The following LEKR1 variants were observed in gnomAD, a reference collection of about 807,000 sequenced individuals.
The protein encoded by LEKR1 is leucine, glutamate and lysine rich 1, also known as protein LEKR1.
A neutral mutation model predicts 72.4 loss-of-function variants in LEKR1; 59 were observed. The ratio of observed to expected loss-of-function variants is 0.82; its 90% confidence interval spans 0.66 to 1.01. The LOEUF (loss-of-function observed/expected upper bound fraction) is 1.01. Among genes scored for constraint, LEKR1 ranks in the 50% least tolerant of loss-of-function variants. The pLI, the probability that LEKR1 is intolerant of heterozygous loss-of-function variation, is 0.00. For missense variants in LEKR1, 728 were observed against 759.2 expected, an observed-to-expected ratio of 0.96 and a Z score of 0.48; for synonymous variants, 257 against 263.2, an observed-to-expected ratio of 0.98 and a Z score of 0.23.
At chr3:156,893,520 G>A (rs1720866768) in intron 3 of LEKR1, among the ~76,000 whole-genome samples, 1 of 152,102 alleles carries the variant, frequency 6.6e-6, no homozygotes, top group Non-Finnish European at 1.5e-5. Flanking sequence ...GGTCATGGGG[G>A]TAGATCCCTC....
intron 3 of LEKR1, among the ~76,000 whole-genome samples, chr3:156,913,516 T>C (rs1031151205): frequency 6.6e-6 from 1 of 152,212 alleles, no homozygotes; most frequent in African/African-American, 2.4e-5. Context: ...CCACCTGACC[T>C]GCTCAAAACA....
intron 7 of LEKR1, among the ~76,000 whole-genome samples, chr3:156,989,689 A>T (rs889223699): frequency 5.1e-4 from 77 of 152,192 alleles, no homozygotes; most frequent in Non-Finnish European, 1.3e-4. Flanking sequence ...AGTTGTAAAA[A>T]TAATAATAGT....
intron 6 of LEKR1, among the ~76,000 whole-genome samples, chr3:156,952,493 T>G (rs1727251023): frequency 6.6e-6 from 1 of 151,444 alleles, no homozygotes; most frequent in South Asian, 2.1e-4. Flanking sequence ...TTTCAAATAT[T>G]TATAAGATCA....
Position 157,045,949 on chromosome 3 carries a change from A to G in LEKR1, c.*199A>G, listed in dbSNP as rs1735725752. ...TTTTTCAAGAGGGTTTTGATAGAGT[A>G]ACAGATCATTAAGTTGTTGGTATTC... On this transcript the variant is annotated 3_prime_UTR_variant, in exon 13 of 13. Transcript: ENST00000356539. The G allele has an allele frequency of 5.4e-6, 3 of 553,280 alleles. No homozygotes were observed. In the East Asian group the frequency reaches 8.7e-5, roughly 16 times the overall value. 34.3% of individuals were successfully genotyped at this position (553,280 alleles called of 1,614,324 possible).
At chr3:156,910,332 C>A (rs1722986493) in intron 3 of LEKR1, among the ~76,000 whole-genome samples, 1 of 152,122 alleles carries the variant, frequency 6.6e-6, no homozygotes, top group Non-Finnish European at 1.5e-5. Flanking sequence ...TTGTCCCATG[C>A]ATATTTAGTC....
intron 10 of LEKR1, among the ~76,000 whole-genome samples, chr3:157,021,707 A>G (rs1214192278): frequency 2.0e-5 from 3 of 152,142 alleles, no homozygotes; most frequent in Non-Finnish European, 2.9e-5. Flanking sequence ...AAGATTTTAA[A>G]AAATACTTGA....
chr3:156,983,540 A>G (rs1375020507), intron 7 of LEKR1, among the ~76,000 whole-genome samples: 3 of 152,130 alleles, frequency 2.0e-5, no homozygotes, highest in African/African-American at 4.8e-5. Flanking sequence ...CACTCCCCAC[A>G]TGATACTGAT....
At chr3:156,883,014 AG>A (rs892664631) in intron 3 of LEKR1, among the ~76,000 whole-genome samples, 2 of 135,986 alleles carry the variant, frequency 1.5e-5, no homozygotes, top group Admixed American at 1.5e-4. Context: ...GGTTGGGGGG[AG>A]GGGGGAGAGA....
At chr3:156,985,380 C>A (rs1364586773) in intron 7 of LEKR1, among the ~76,000 whole-genome samples, 1 of 152,018 alleles carries the variant, frequency 6.6e-6, no homozygotes, top group Non-Finnish European at 1.5e-5. Flanking sequence ...GGAAGGAGAT[C>A]AAGACAAGAC....
At chr3:156,934,936 G>GT (rs1263575523) in intron 5 of LEKR1, among the ~76,000 whole-genome samples, 1 of 152,012 alleles carries the variant, frequency 6.6e-6, no homozygotes, top group Admixed American at 6.6e-5. Flanking sequence ...GAACATGTAG[G>GT]TTGATCATAG....
intron 3 of LEKR1, among the ~76,000 whole-genome samples, chr3:156,909,796 T>G (rs931520206): frequency 6.6e-6 from 1 of 152,190 alleles, no homozygotes; most frequent in Non-Finnish European, 1.5e-5. Flanking sequence ...AACAGATTTT[T>G]AAAAATATAT....
chr3:156,917,516 G>C (rs568350236), intron 3 of LEKR1, among the ~76,000 whole-genome samples: 2 of 151,972 alleles, frequency 1.3e-5, no homozygotes, highest in Admixed American at 6.6e-5. Flanking sequence ...AGGGTGGGGG[G>C]CCCACCATAT....
At chr3:157,010,312 A>G (rs565592820) in intron 9 of LEKR1, among the ~76,000 whole-genome samples, 1 of 152,076 alleles carries the variant, frequency 6.6e-6, no homozygotes, top group Non-Finnish European at 1.5e-5. Context: ...ACTATATAGA[A>G]CTCACTACTG....
chr3:157,043,874 A>G (rs186988907), intron 12 of LEKR1, among the ~76,000 whole-genome samples: 3 of 152,342 alleles, frequency 2.0e-5, no homozygotes, highest in Non-Finnish European at 4.4e-5. Context: ...GTCATGTAGT[A>G]AATAAATCGT....
At position 157,045,355 on chromosome 3, in the gene LEKR1, G is replaced by GA. The variant is rs1293885987; in HGVS notation, c.1685dup (p.Thr563AspfsTer4). 1 of 1,609,392 alleles carries GA rather than the reference G, an allele frequency of 6.2e-7. No homozygotes were observed. Among genetic ancestry groups the GA allele is most frequent in the East Asian group, 2.2e-5 (1 of 44,764 alleles). ...CTCTTTTCAGAATACTTTTCTTCAG[G>GA]AGACAGTGCGTAGAGAATGTGAAGA... On this transcript the variant is annotated frameshift_variant, in exon 13 of 13. Transcript: ENST00000356539. LOFTEE classifies it low-confidence loss of function (END_TRUNC).
At chr3:156,982,516 G>A (rs527572734) in intron 7 of LEKR1, among the ~76,000 whole-genome samples, 17 of 152,258 alleles carry the variant, frequency 1.1e-4, no homozygotes, top group African/African-American at 2.9e-4. Flanking sequence ...GGGGAACAGG[G>A]CTGCTACAAT....
chr3:156,874,432 G>A (rs1338200476), intron 3 of LEKR1, among the ~76,000 whole-genome samples: 1 of 151,954 alleles, frequency 6.6e-6, no homozygotes, highest in Non-Finnish European at 1.5e-5. Context: ...TTTATTTGGG[G>A]GAGGCTTTTT....
chr3:156,860,953 G>A (rs1289462068), intron 3 of LEKR1, among the ~76,000 whole-genome samples: 1 of 152,154 alleles, frequency 6.6e-6, no homozygotes, highest in Non-Finnish European at 1.5e-5. Context: ...TATGAAGGGG[G>A]AAGCAGTCAG....
At chr3:157,023,837 T>C (rs1192348163) in intron 10 of LEKR1, among the ~76,000 whole-genome samples, 1 of 152,238 alleles carries the variant, frequency 6.6e-6, no homozygotes, top group East Asian at 1.9e-4. Context: ...ATTATGATTC[T>C]ATCTGAGTCA....
Sources: gnomAD v4.1 joint callset for allele counts (sites outside exome capture counted in the v4.1 genomes callset) on GRCh38, gnomAD v4.1.1 for gene constraint, MANE v1.5 for transcripts, NCBI Gene and HGNC (gene_info 2026-07-23, HGNC 2026-07-21) for gene names.